ARPP21: variants seen among roughly 807,000 people sequenced by gnomAD.
ARPP21 encodes the protein cAMP-regulated phosphoprotein 21.
ARPP21 carries 69 observed loss-of-function variants against 113.2 expected under a neutral mutation model. The ratio of observed to expected loss-of-function variants is 0.61; its 90% confidence interval spans 0.50 to 0.74. The LOEUF is 0.74. ARPP21 is among the 30% of genes least tolerant of loss of function. ARPP21 has a pLI of 0.00. For synonymous variants in ARPP21, 368 were observed against 375.5 expected, an observed-to-expected ratio of 0.98 and a Z score of 0.23; for missense variants, 1,070 against 1,037.4, an observed-to-expected ratio of 1.03 and a Z score of -0.43.
At chr3:35,706,840 G>C in intron 9 of ARPP21, 134 bp from the exon 10 acceptor site, 1 of 621,710 alleles carries the variant, frequency 1.6e-6, no homozygotes, top group Non-Finnish European at 2.8e-6. Context: ...CCTGTATATT[G>C]CCAGCAACTC....
chr3:35,735,471 A>G (rs571297330), intron 15 of ARPP21, among the ~76,000 whole-genome samples: 8 of 152,132 alleles, frequency 5.3e-5, no homozygotes, highest in African/African-American at 1.7e-4. Context: ...GTTGTTCTTT[A>G]TTTATATTGT....
chr3:35,673,699 C>T (rs2076870686), intron 1 of ARPP21, among the ~76,000 whole-genome samples: 1 of 151,886 alleles, frequency 6.6e-6, no homozygotes. Context: ...ATTCATTTTA[C>T]CTAAATGTCT....
chr3:35,665,898 A>G (rs556147079), intron 1 of ARPP21, among the ~76,000 whole-genome samples: 33 of 152,260 alleles, frequency 2.2e-4, no homozygotes, highest in Admixed American at 1.8e-3. Context: ...CTGCTCATTA[A>G]TGGTTTTTTA....
rs112685185 is a variant in ARPP21 at position 35,712,066 on chromosome 3, G to A, written c.897+2996G>A. Among the ~76,000 whole-genome samples the A allele has an allele frequency of 1.1e-4, 17 of 152,220 alleles. No homozygotes were observed. In the South Asian group the frequency reaches 3.5e-3, roughly 32 times the overall value. On this transcript the variant is annotated intron_variant, in intron 11 of 20. Coordinates refer to ENST00000684406, the MANE Select transcript of ARPP21 (RefSeq NM_001385562.1). Reference sequence around the variant, plus strand: ...TATCCTCTATTGACACAAACATAAAGGCAGCACACTTTAGGGGACCCTCAT... The same window carrying A: ...TATCCTCTATTGACACAAACATAAAAGCAGCACACTTTAGGGGACCCTCAT...
intron 15 of ARPP21, 124 bp from the exon 16 acceptor site, chr3:35,737,054 T>C (rs2094400037): frequency 1.6e-6 from 1 of 609,864 alleles, no homozygotes; most frequent in African/African-American, 1.8e-5. Flanking sequence ...GGTTTTGGGG[T>C]CTTAGATTTC....
intron 5 of ARPP21, chr3:35,684,800 GT>G (rs199892132): frequency 1.9e-5 from 18 of 971,314 alleles, no homozygotes; most frequent in Middle Eastern, 5.2e-4. Context: ...CTAAGAGAGT[GT>G]TTTTTTTTCT....
chr3:35,757,079 T>C (rs1271375904), intron 19 of ARPP21, among the ~76,000 whole-genome samples: 1 of 151,642 alleles, frequency 6.6e-6, no homozygotes, highest in Non-Finnish European at 1.5e-5. Context: ...ATTTTTTTTT[T>C]TTTTTTTGAG....
At chr3:35,751,586 T>A (rs2095406950) in intron 19 of ARPP21, among the ~76,000 whole-genome samples, 1 of 152,126 alleles carries the variant, frequency 6.6e-6, no homozygotes, top group Admixed American at 6.6e-5. Flanking sequence ...TTCACTTACA[T>A]TTAAGATAAA....
chr3:35,691,064 A>G (rs915321274), intron 9 of ARPP21, 59 bp downstream of exon 9: 3 of 1,530,878 alleles, frequency 2.0e-6, no homozygotes, highest in African/African-American at 2.8e-5. Context: ...ATTCATTTAT[A>G]AGATCACAGT....
At chr3:35,642,323 C>A (rs1043329631) in intron 1 of ARPP21, 1 of 152,010 alleles carries the variant, frequency 6.6e-6, no homozygotes, top group Non-Finnish European at 1.5e-5. Flanking sequence ...AATGAAGGAG[C>A]GAGCGCCTCA....
chr3:35,704,439 G>A (rs34743239), intron 9 of ARPP21, among the ~76,000 whole-genome samples: 3 of 151,876 alleles, frequency 2.0e-5, no homozygotes, highest in African/African-American at 7.2e-5. Context: ...AATGACACTT[G>A]AAACTTAGAA....
intron 19 of ARPP21, among the ~76,000 whole-genome samples, chr3:35,783,051 A>G (rs1406272215): frequency 1.3e-5 from 2 of 151,918 alleles, no homozygotes; most frequent in Admixed American, 6.6e-5. Context: ...TTCTTTCTTG[A>G]AACACTCCCC....
rs1045611110 is a variant in ARPP21, at chr3:35,738,429, G to A, written c.1749+111G>A. On this transcript the variant is annotated intron_variant, in intron 17 of 20. Coordinates refer to ENST00000684406, the MANE Select transcript of ARPP21 (RefSeq NM_001385562.1). ...CTGGGGTGGGTGCCCTGGGCTGACTGTGAGGGGGTATGTGCGAATGTCTCA... is the reference window on the plus strand; with the variant it reads ...CTGGGGTGGGTGCCCTGGGCTGACTATGAGGGGGTATGTGCGAATGTCTCA... 2.9e-5 allele frequency: 22 copies of A among 768,260 alleles called. 1 individual carries two copies. Among genetic ancestry groups the A allele is most frequent in the African/African-American group, 2.4e-4 (14 of 57,836 alleles). 47.6% of individuals were successfully genotyped at this position (768,260 alleles called of 1,614,324 possible). A position where few individuals can be genotyped will look rare whatever the true frequency, so the allele number is the denominator to read the frequency against.
intron 20 of ARPP21, 83 bp downstream of exon 20, chr3:35,792,613 G>C: frequency 7.5e-7 from 1 of 1,329,100 alleles, no homozygotes; most frequent in Non-Finnish European, 1.1e-6. Flanking sequence ...CCTGGTTTGG[G>C]TGGCTGGCTG....
chr3:35,696,005 T>C (rs1184010524), intron 9 of ARPP21, among the ~76,000 whole-genome samples: 1 of 151,560 alleles, frequency 6.6e-6, no homozygotes, highest in Non-Finnish European at 1.5e-5. Flanking sequence ...AATGCTCTAC[T>C]GGCTGGAGGC....
At chr3:35,667,976 A>T (rs935039583) in intron 1 of ARPP21, among the ~76,000 whole-genome samples, 1 of 138,264 alleles carries the variant, frequency 7.2e-6, no homozygotes, top group Non-Finnish European at 1.6e-5. Flanking sequence ...GAAGAAGAAG[A>T]AGAAGAAGAA....
intron 19 of ARPP21, among the ~76,000 whole-genome samples, chr3:35,771,238 A>G (rs1339599513): frequency 6.6e-6 from 1 of 152,018 alleles, no homozygotes; most frequent in East Asian, 1.9e-4. Context: ...CTCTGGGCAC[A>G]TTGGTGACCA....
chr3:35,706,996 C>T lies in ARPP21; in HGVS notation c.709C>T (p.His237Tyr), dbSNP rs779243087. Residue 237 changes from histidine to tyrosine, a missense_variant, in exon 10 of 21, where the codon CAT becomes TAT. His to Tyr is a moderately conservative substitution (Grantham distance 83, BLOSUM62 2). Coordinates refer to ENST00000684406, the MANE Select transcript of ARPP21 (RefSeq NM_001385562.1). ...TRIPEQRFCE[H>Y]LKDEKGEESQ... ...CAGACCAGAGCAAAGGTTTTGTGAA[C>T]ATTTAAAAGATGAAAAAGGTGAAGA... is the stretch of plus-strand genomic sequence containing the variant. The T allele has an allele frequency of 6.2e-7, 1 of 1,613,742 alleles. No individual in the cohort carries two copies. Among genetic ancestry groups the T allele is most frequent in the African/African-American group, 1.3e-5 (1 of 74,890 alleles).
intron 11 of ARPP21, among the ~76,000 whole-genome samples, chr3:35,711,472 C>G (rs2091100735): frequency 6.6e-6 from 1 of 152,130 alleles, no homozygotes; most frequent in Non-Finnish European, 1.5e-5. Context: ...GCAATCATAC[C>G]ACTGGTATTT....
Sources: gnomAD v4.1 joint callset for allele counts (sites outside exome capture counted in the v4.1 genomes callset) on GRCh38, gnomAD v4.1.1 for gene constraint, MANE v1.5 for transcripts, NCBI Gene and HGNC (gene_info 2026-07-23, HGNC 2026-07-21) for gene names.